The following CAMK1D variants were observed in gnomAD, a reference collection of about 807,000 sequenced individuals.
CAMK1D encodes the protein calcium/calmodulin dependent protein kinase ID, also known as calcium/calmodulin-dependent protein kinase type 1D.
A neutral mutation model predicts 47.7 loss-of-function variants in CAMK1D; 9 were observed. That is an observed-to-expected ratio of 0.19 (90% CI 0.11 to 0.33). The LOEUF (loss-of-function observed/expected upper bound fraction) is 0.33. Ranked by LOEUF, CAMK1D falls within the 10% of genes least tolerant of loss-of-function variation. The probability of loss-of-function intolerance (pLI) is 1.00; values close to 1 mark genes in which losing one functional copy is unlikely to be tolerated. For synonymous variants in CAMK1D, 184 were observed against 184.9 expected (o/e 0.99, Z 0.04); for missense variants, 291 against 488.7 (o/e 0.60, Z 3.81).
At chr10:12,826,409 G>C (rs1367034742) in intron 10 of CAMK1D, among the ~76,000 whole-genome samples, 2 of 152,142 alleles carry the variant, frequency 1.3e-5, no homozygotes, top group Non-Finnish European at 2.9e-5. Flanking sequence ...GATAATTTGA[G>C]CTCATTTATG....
intron 4 of CAMK1D, among the ~76,000 whole-genome samples, chr10:12,761,888 A>C (rs904646992): frequency 6.6e-6 from 1 of 152,164 alleles, no homozygotes; most frequent in Non-Finnish European, 1.5e-5. Flanking sequence ...CCGTCTCAAA[A>C]AAAATAAATA....
chr10:12,824,327 C>A (rs1564590709), intron 8 of CAMK1D, 138 bp from the exon 9 acceptor site: 4 of 680,856 alleles, frequency 5.9e-6, no homozygotes, highest in East Asian at 2.7e-5. Flanking sequence ...CATCAGCAGC[C>A]TGGAAGGGCA....
intron 3 of CAMK1D, among the ~76,000 whole-genome samples, chr10:12,734,341 A>AT (rs1835035838): frequency 3.7e-5 from 1 of 27,382 alleles, no homozygotes; most frequent in Non-Finnish European, 6.5e-5. Flanking sequence ...AAAAAAAAAA[A>AT]AAAAATATAT....
intron 1 of CAMK1D, among the ~76,000 whole-genome samples, chr10:12,400,936 G>A (rs1193533908): frequency 6.8e-6 from 1 of 147,580 alleles, no homozygotes; most frequent in Non-Finnish European, 1.5e-5. Flanking sequence ...GTGCAATATA[G>A]CGAGGCCCCT....
intron 1 of CAMK1D, among the ~76,000 whole-genome samples, chr10:12,366,961 A>G (rs1837854988): frequency 6.6e-6 from 1 of 152,068 alleles, no homozygotes; most frequent in Non-Finnish European, 1.5e-5. Context: ...CTTGGCAGTG[A>G]TGGTGGTGAT....
At chr10:12,537,363 C>T (rs1836009363) in intron 1 of CAMK1D, among the ~76,000 whole-genome samples, 1 of 152,194 alleles carries the variant, frequency 6.6e-6, no homozygotes, top group Non-Finnish European at 1.5e-5. Flanking sequence ...TGAACCACCG[C>T]ACCCAGCCTA....
chr10:12,360,246 G>A (rs1303204593), intron 1 of CAMK1D, among the ~76,000 whole-genome samples: 1 of 152,108 alleles, frequency 6.6e-6, no homozygotes, highest in Admixed American at 6.5e-5. Context: ...AATCCTAAAG[G>A]TATCGTATTA....
chr10:12,793,145 C>T (rs1391069752), intron 6 of CAMK1D, among the ~76,000 whole-genome samples: 2 of 152,048 alleles, frequency 1.3e-5, no homozygotes, highest in African/African-American at 4.8e-5. Flanking sequence ...CTATGGAAGG[C>T]TTAAGGAAAT....
chr10:12,701,804 A>G (rs1207791625), intron 3 of CAMK1D, among the ~76,000 whole-genome samples: 1 of 152,172 alleles, frequency 6.6e-6, no homozygotes, highest in African/African-American at 2.4e-5. Context: ...GCTGAACGTG[A>G]CAGAAGTGGA....
intron 3 of CAMK1D, among the ~76,000 whole-genome samples, chr10:12,748,653 C>G (rs147527264): frequency 6.6e-6 from 1 of 152,176 alleles, no homozygotes; most frequent in Non-Finnish European, 1.5e-5. Context: ...ATGCTGTTTA[C>G]TGTGCCCTGC....
At chr10:12,631,688 C>CTTT (rs58291909) in intron 2 of CAMK1D, among the ~76,000 whole-genome samples, 2 of 144,200 alleles carry the variant, frequency 1.4e-5, no homozygotes, top group African/African-American at 5.1e-5. Context: ...CACGTTAATC[C>CTTT]TTTTTTTTTT....
intron 1 of CAMK1D, among the ~76,000 whole-genome samples, chr10:12,436,825 G>A (rs1046965681): frequency 6.6e-6 from 1 of 152,150 alleles, no homozygotes; most frequent in African/African-American, 2.4e-5. Context: ...GTGCCCATGC[G>A]TTGGTCCCCA....
chr10:12,792,983 C>T (rs910947015), intron 6 of CAMK1D, among the ~76,000 whole-genome samples: 26 of 151,486 alleles, frequency 1.7e-4, no homozygotes, highest in African/African-American at 3.9e-4. Flanking sequence ...CACACACACA[C>T]GCACGCACAC....
At chr10:12,815,427 A>G (rs1312043760) in intron 7 of CAMK1D, among the ~76,000 whole-genome samples, 1 of 152,254 alleles carries the variant, frequency 6.6e-6, no homozygotes, top group African/African-American at 2.4e-5. Context: ...CTAAGTGGAA[A>G]TGCCTTGGTT....
chr10:12,563,691 GAGAGAGAGGGAGA>G (rs1201970710), intron 2 of CAMK1D, among the ~76,000 whole-genome samples: 2 of 63,680 alleles, frequency 3.1e-5, no homozygotes. Flanking sequence ...GAGAGAGAGA[GAGAGAGAGGGAGA>G]GAGAGGGAGA....
At chr10:12,735,434 C>A (rs928864524) in intron 3 of CAMK1D, among the ~76,000 whole-genome samples, 1 of 152,190 alleles carries the variant, frequency 6.6e-6, no homozygotes, top group Admixed American at 6.5e-5. Context: ...GCCGAGATTG[C>A]GCCACTGCAC....
chr10:12,650,057 TC>T (rs1341866430), intron 2 of CAMK1D, among the ~76,000 whole-genome samples: 2 of 152,222 alleles, frequency 1.3e-5, no homozygotes, highest in African/African-American at 4.8e-5. Flanking sequence ...ACTTTTTAGT[TC>T]CTTTAGGATA....
chr10:12,638,176 G>A (rs1839564726), intron 2 of CAMK1D, among the ~76,000 whole-genome samples: 1 of 152,222 alleles, frequency 6.6e-6, no homozygotes, highest in Non-Finnish European at 1.5e-5. Flanking sequence ...GGGCTAGGGG[G>A]TGGGAGGGGC....
chr10:12,499,069 CTT>C (rs35158100), intron 1 of CAMK1D, among the ~76,000 whole-genome samples: 491 of 122,998 alleles, frequency 4.0e-3, no homozygotes, highest in South Asian at 0.021. Flanking sequence ...TAAATTACAG[CTT>C]TTTTTTTTTT....
Sources: gnomAD v4.1 joint callset for allele counts (sites outside exome capture counted in the v4.1 genomes callset) on GRCh38, gnomAD v4.1.1 for gene constraint, MANE v1.5 for transcripts, NCBI Gene and HGNC (gene_info 2026-07-23, HGNC 2026-07-21) for gene names.